The following CATSPERT variants were observed in gnomAD, a reference collection of about 807,000 sequenced individuals.
The protein encoded by CATSPERT is catsper channel auxiliary subunit tau.
the CATSPERT span, among the ~76,000 whole-genome samples, chr2:201,511,441 C>A: frequency 6.6e-6 from 1 of 152,064 alleles, no homozygotes; most frequent in East Asian, 1.9e-4. Flanking sequence ...AGTTATAGGA[C>A]CATGGAAGAA....
At chr2:201,594,235 T>C in the CATSPERT span, among the ~76,000 whole-genome samples, 1 of 152,250 alleles carries the variant, frequency 6.6e-6, no homozygotes, top group South Asian at 2.1e-4. Context: ...TCTTCACTTA[T>C]GAAGCTTAGT....
At chr2:201,560,046 A>G in the CATSPERT span, among the ~76,000 whole-genome samples, 1 of 152,242 alleles carries the variant, frequency 6.6e-6, no homozygotes. Flanking sequence ...ACAATTCATG[A>G]TTTAAATGAT....
chr2:201,561,906 A>G, the CATSPERT span, among the ~76,000 whole-genome samples: 2 of 151,722 alleles, frequency 1.3e-5, no homozygotes, highest in Non-Finnish European at 2.9e-5. Flanking sequence ...AAAAAAAAAG[A>G]TAATATAAAA....
chr2:201,568,143 GA>G, the CATSPERT span, among the ~76,000 whole-genome samples: 1 of 152,066 alleles, frequency 6.6e-6, no homozygotes, highest in African/African-American at 2.4e-5. Flanking sequence ...CCATACCATG[GA>G]CCCCTAGAAA....
At chr2:201,534,466 A>G in the CATSPERT span, 2 of 983,534 alleles carry the variant, frequency 2.0e-6, no homozygotes, top group African/African-American at 3.6e-5. Context: ...TAAACTACAA[A>G]CTATGTGCCC....
the CATSPERT span, chr2:201,549,858 T>C: frequency 6.6e-6 from 1 of 152,190 alleles, no homozygotes; most frequent in African/African-American, 2.4e-5. Flanking sequence ...CTAATTACTT[T>C]ACTGTCTTTA....
chr2:201,613,958 A>C, the CATSPERT span, among the ~76,000 whole-genome samples: 1 of 152,336 alleles, frequency 6.6e-6, no homozygotes, highest in South Asian at 2.1e-4. Flanking sequence ...AAAGGGTATC[A>C]GTGATTGAAG....
At chr2:201,607,864 C>T in the CATSPERT span, among the ~76,000 whole-genome samples, 3 of 152,074 alleles carry the variant, frequency 2.0e-5, no homozygotes, top group Non-Finnish European at 4.4e-5. Flanking sequence ...TCAGGGTGGA[C>T]CCTAATCCCA....
At chr2:201,561,329 T>C in the CATSPERT span, among the ~76,000 whole-genome samples, 3 of 152,210 alleles carry the variant, frequency 2.0e-5, no homozygotes, top group African/African-American at 7.2e-5. Context: ...TAATGCATTA[T>C]TTAAGCATCC....
chr2:201,603,158 G>T, the CATSPERT span: 3 of 1,464,184 alleles, frequency 2.0e-6, no homozygotes, highest in Non-Finnish European at 2.8e-6. Flanking sequence ...GGTTTGTAAT[G>T]CAGCAATGGA....
chr2:201,518,159 C>T, the CATSPERT span, among the ~76,000 whole-genome samples: 1 of 152,184 alleles, frequency 6.6e-6, no homozygotes, highest in African/African-American at 2.4e-5. Flanking sequence ...AGGCACATGC[C>T]ACATCCTGTG....
the CATSPERT span, chr2:201,495,946 A>T: frequency 6.3e-7 from 1 of 1,597,034 alleles, no homozygotes; most frequent in Non-Finnish European, 8.5e-7. Context: ...ATGGTGAATT[A>T]TATTCTTTTG....
chr2:201,535,267 T>C, the CATSPERT span: 1 of 985,082 alleles, frequency 1.0e-6, no homozygotes, highest in South Asian at 4.7e-5. Flanking sequence ...AGCTAGTATT[T>C]AGAAGCAGAA....
chr2:201,548,571 A>G, the CATSPERT span, among the ~76,000 whole-genome samples: 1 of 152,044 alleles, frequency 6.6e-6, no homozygotes, highest in South Asian at 2.1e-4. Flanking sequence ...CCACAATAAA[A>G]CAAGTGAAAA....
At chr2:201,514,365 C>T in the CATSPERT span, among the ~76,000 whole-genome samples, 1 of 152,028 alleles carries the variant, frequency 6.6e-6, no homozygotes, top group Admixed American at 6.5e-5. Flanking sequence ...ATCCTAGGAA[C>T]GTAAAGTTGG....
chr2:201,560,518 C>T, the CATSPERT span, among the ~76,000 whole-genome samples: 19 of 151,080 alleles, frequency 1.3e-4, no homozygotes, highest in East Asian at 5.8e-4. Context: ...AGAGACCAGG[C>T]CACGCAGAAG....
the CATSPERT span, among the ~76,000 whole-genome samples, chr2:201,495,313 A>G: frequency 5.3e-4 from 80 of 152,248 alleles, no homozygotes; most frequent in African/African-American, 1.9e-3. Context: ...CCAGTCCTTA[A>G]CATGTCACAG....
chr2:201,491,649 C>T, the CATSPERT span: 28 of 1,536,956 alleles, frequency 1.8e-5, no homozygotes, highest in African/African-American at 4.1e-5. Context: ...TGTTTAAGTA[C>T]TCATCTTCCC....
At chr2:201,492,287 T>G in the CATSPERT span, 2 of 1,534,356 alleles carry the variant, frequency 1.3e-6, no homozygotes, top group Non-Finnish European at 1.7e-6. Context: ...TTAAGCAAAT[T>G]TATATGCTGG....
Sources: allele counts gnomAD v4.1 joint callset (sites outside exome capture counted in the v4.1 genomes callset), GRCh38; gene constraint gnomAD v4.1.1; transcripts MANE v1.5; gene names NCBI Gene and HGNC (gene_info 2026-07-23, HGNC 2026-07-21).